Variants in DAB1 observed in about 807,000 individuals in gnomAD.
DAB1 encodes DAB adaptor protein 1.
A neutral mutation model predicts 64.6 loss-of-function variants in DAB1; 15 were observed. That is an observed-to-expected ratio of 0.23 (90% CI 0.16 to 0.36). The LOEUF (loss-of-function observed/expected upper bound fraction) is 0.36. DAB1 is among the 10% of genes least tolerant of loss of function. The pLI is 1.00. For synonymous variants in DAB1, 235 were observed against 251.9 expected (o/e 0.93, Z 0.64); for missense variants, 596 against 706.7 (o/e 0.84, Z 1.78).
chr1:57,436,677 C>T (rs1333232436), intron 7 of DAB1, among the ~76,000 whole-genome samples: 2 of 152,152 alleles, frequency 1.3e-5, no homozygotes, highest in African/African-American at 4.8e-5. Context: ...TGGATGCACC[C>T]TCTACAAAAT....
intron 1 of DAB1, among the ~76,000 whole-genome samples, chr1:57,833,434 A>G (rs915491456): frequency 6.6e-6 from 1 of 152,196 alleles, no homozygotes; most frequent in African/African-American, 2.4e-5. Context: ...GCTCACATCC[A>G]TGCTTCCCAT....
intron 4 of DAB1, among the ~76,000 whole-genome samples, chr1:58,275,562 G>A (rs996994742): frequency 1.3e-5 from 2 of 152,074 alleles, no homozygotes. Flanking sequence ...AATATGTAAA[G>A]ATACCCCAAA....
At chr1:58,228,620 C>G in intron 4 of DAB1, 1 of 734,318 alleles carries the variant, frequency 1.4e-6, no homozygotes. Flanking sequence ...AGATATGCCC[C>G]CTTGTGCGAG....
In DAB1 at chr1:58,048,192, T is replaced by G. The variant is rs559629546; in HGVS notation, n.387+102319A>C. 3.7e-4 allele frequency: 486 copies of G among 1,316,664 alleles called. 2 individuals carry two copies. In the South Asian group the frequency reaches 5.4e-3, roughly 15 times the overall value. 81.6% of individuals were successfully genotyped at this position (1,316,664 alleles called of 1,614,324 possible). On this transcript the variant is annotated intron_variant and non_coding_transcript_variant, in intron 5 of 20. Coordinates refer to the DAB1 transcript ENST00000485760. ...TTTCCTAATTAAAATCTTCTGCCAC[T>G]GCCACAGCTACTGCTGCTACTGGAA...
intron 3 of DAB1, among the ~76,000 whole-genome samples, chr1:57,141,074 G>A (rs907336026): frequency 5.9e-5 from 9 of 152,106 alleles, no homozygotes; most frequent in South Asian, 2.1e-4. Flanking sequence ...ACCTTAGAAC[G>A]CTATTCCAGA....
chr1:57,655,179 CCATCCATCAATCAACTATCCATA>C (rs1301900346), intron 6 of DAB1, among the ~76,000 whole-genome samples: 1 of 152,136 alleles, frequency 6.6e-6, no homozygotes, highest in Non-Finnish European at 1.5e-5. Flanking sequence ...GCATATCCAT[CCATCCATCAATCAACTATCCATA>C]CATCCATCAA....
intron 4 of DAB1, among the ~76,000 whole-genome samples, chr1:58,289,298 G>A (rs937525866): frequency 6.6e-6 from 1 of 152,070 alleles, no homozygotes; most frequent in Non-Finnish European, 1.5e-5. Context: ...TAATATGATG[G>A]CTGTAACTAT....
At chr1:57,871,330 A>T (rs1289014553) in intron 1 of DAB1, among the ~76,000 whole-genome samples, 2 of 151,922 alleles carry the variant, frequency 1.3e-5, no homozygotes, top group Non-Finnish European at 2.9e-5. Context: ...AAATCCTTCA[A>T]GTGAATTGAT....
intron 5 of DAB1, among the ~76,000 whole-genome samples, chr1:58,069,109 T>C (rs541336374): frequency 6.6e-6 from 1 of 152,210 alleles, no homozygotes; most frequent in Non-Finnish European, 1.5e-5. Context: ...CTTATGTGCA[T>C]CACTCCACAG....
intron 2 of DAB1, among the ~76,000 whole-genome samples, chr1:57,202,284 A>G (rs1195580194): frequency 3.3e-5 from 5 of 152,238 alleles, no homozygotes; most frequent in African/African-American, 4.8e-5. Context: ...TTTTGCATAC[A>G]TAAAAATACA....
chr1:57,468,362 C>T (rs10493223), intron 7 of DAB1, among the ~76,000 whole-genome samples: 12,450 of 152,106 alleles, frequency 0.082, 619 homozygotes, highest in South Asian at 0.2. Flanking sequence ...GAACAATTGA[C>T]GGAGTAAGGT....
chr1:57,628,639 C>A (rs1021282365), intron 7 of DAB1, among the ~76,000 whole-genome samples: 1 of 152,112 alleles, frequency 6.6e-6, no homozygotes, highest in Non-Finnish European at 1.5e-5. Context: ...ATATACGACC[C>A]TATTTGGTCA....
intron 1 of DAB1, among the ~76,000 whole-genome samples, chr1:57,861,651 T>G (rs925837837): frequency 2.0e-5 from 3 of 151,932 alleles, no homozygotes; most frequent in Non-Finnish European, 4.4e-5. Context: ...TAAATAGAAC[T>G]AATATTTACC....
intron 5 of DAB1, among the ~76,000 whole-genome samples, chr1:58,148,054 A>G (rs1654712418): frequency 6.6e-6 from 1 of 152,038 alleles, no homozygotes; most frequent in Non-Finnish European, 1.5e-5. Flanking sequence ...AATGGAATTC[A>G]AAATCCATGA....
intron 1 of DAB1, among the ~76,000 whole-genome samples, chr1:57,421,402 A>G (rs1234137312): frequency 6.6e-6 from 1 of 152,244 alleles, no homozygotes; most frequent in African/African-American, 2.4e-5. Context: ...CAAACCATTA[A>G]AAAATAAAAA....
chr1:57,307,129 T>C (rs1019113500), intron 1 of DAB1: 4 of 152,246 alleles, frequency 2.6e-5, no homozygotes, highest in Non-Finnish European at 4.4e-5. Flanking sequence ...GTGCACTCAT[T>C]TGACATTTCC....
chr1:57,688,232 C>G lies in DAB1; in HGVS notation n.552-38567G>C, dbSNP rs536548351. Among the ~76,000 whole-genome samples, 4 of 151,986 alleles carry G rather than the reference C, an allele frequency of 2.6e-5. No homozygotes were observed. In the South Asian group the frequency reaches 8.3e-4, roughly 32 times the overall value. On this transcript the variant is annotated intron_variant and non_coding_transcript_variant, in intron 6 of 20. Transcript: ENST00000485760. ...AATTAATTAGCAAAAGACAATCTCCCCCTCCAAAAAAATGGGCAAAGGACA... is the reference window on the plus strand; with the variant it reads ...AATTAATTAGCAAAAGACAATCTCCGCCTCCAAAAAAATGGGCAAAGGACA...
At chr1:58,457,487 C>T (rs1177775517) in intron 3 of DAB1, among the ~76,000 whole-genome samples, 1 of 152,226 alleles carries the variant, frequency 6.6e-6, no homozygotes, top group African/African-American at 2.4e-5. Flanking sequence ...CCTTGCTGAA[C>T]TTACACAGCT....
chr1:57,312,316 A>G (rs1443181809), intron 1 of DAB1, among the ~76,000 whole-genome samples: 1 of 151,976 alleles, frequency 6.6e-6, no homozygotes, highest in Non-Finnish European at 1.5e-5. Flanking sequence ...GATGCCGTCT[A>G]CAATAATTTA....
Sources: allele counts gnomAD v4.1 joint callset (sites outside exome capture counted in the v4.1 genomes callset), GRCh38; gene constraint gnomAD v4.1.1; transcripts MANE v1.5; gene names NCBI Gene and HGNC (gene_info 2026-07-23, HGNC 2026-07-21).